PLEKHH2: variants seen among roughly 807,000 people sequenced by gnomAD.
PLEKHH2 encodes pleckstrin homology, MyTH4 and FERM domain containing H2.
PLEKHH2 carries 129 observed loss-of-function variants against 187.9 expected under a neutral mutation model. The ratio of observed to expected loss-of-function variants is 0.69; its 90% CI spans 0.59 to 0.79. The LOEUF (loss-of-function observed/expected upper bound fraction) is 0.79, where lower values mean the gene tolerates loss of function less well. Among genes scored for constraint, PLEKHH2 ranks in the 30% least tolerant of loss-of-function variants. The pLI, the probability that PLEKHH2 is intolerant of heterozygous loss-of-function variation, is 0.00. For synonymous variants in PLEKHH2, 686 were observed against 605.6 expected (o/e 1.13, Z -1.95); for missense variants, 2,076 against 1,751.2 (o/e 1.19, Z -3.31).
chr2:43,741,070 T>C (rs776678680), intron 21 of PLEKHH2, 27 bp downstream of exon 21: 46 of 1,567,552 alleles, frequency 2.9e-5, no homozygotes, highest in Non-Finnish European at 8.8e-7. Context: ...CCAGCTGAAC[T>C]GTTTATGTGG....
intron 3 of PLEKHH2, chr2:43,680,434 A>T (rs1668110824): frequency 6.4e-6 from 1 of 156,110 alleles, no homozygotes; most frequent in African/African-American, 2.4e-5. Flanking sequence ...ACAAAAGAAA[A>T]AAAAGGCTTA....
intron 2 of PLEKHH2, among the ~76,000 whole-genome samples, chr2:43,667,542 CAACT>C (rs1667275533): frequency 6.6e-6 from 1 of 152,160 alleles, no homozygotes; most frequent in Non-Finnish European, 1.5e-5. Context: ...AAAAGCTCAT[CAACT>C]AACTGATGAA....
intron 26 of PLEKHH2, 86 bp from the exon 27 acceptor site, chr2:43,758,814 C>T: frequency 8.2e-7 from 1 of 1,221,620 alleles, no homozygotes; most frequent in South Asian, 1.8e-5. Flanking sequence ...AGGATTGGCT[C>T]AAGGAGAGTT....
chr2:43,687,538 A>G (rs1224199507), intron 3 of PLEKHH2, among the ~76,000 whole-genome samples: 1 of 152,168 alleles, frequency 6.6e-6, no homozygotes, highest in East Asian at 1.9e-4. Flanking sequence ...GTCAAATGGT[A>G]CTTCTGTTTC....
intron 9 of PLEKHH2, 133 bp downstream of exon 9, chr2:43,704,189 G>T: frequency 1.7e-6 from 1 of 602,458 alleles, no homozygotes; most frequent in Non-Finnish European, 2.7e-6. Flanking sequence ...GGTGTTTAAA[G>T]GGTCAAATTC....
chr2:43,753,439 C>T (rs970686232), intron 24 of PLEKHH2, among the ~76,000 whole-genome samples, 180 bp from the exon 25 acceptor site: 8 of 152,110 alleles, frequency 5.3e-5, no homozygotes, highest in African/African-American at 1.9e-4. Context: ...GCAGTTTTTT[C>T]TTATTTTGCG....
At chr2:43,757,070 T>G (rs1489361452) in intron 25 of PLEKHH2, 49 bp from the exon 26 acceptor site, 2 of 1,400,132 alleles carry the variant, frequency 1.4e-6, no homozygotes, top group Admixed American at 2.6e-5. Flanking sequence ...TGATTTTCTG[T>G]CTTAAAACTC....
chr2:43,762,144 C>T (rs1572675132), intron 27 of PLEKHH2, among the ~76,000 whole-genome samples, 160 bp from the exon 28 acceptor site: 1 of 152,124 alleles, frequency 6.6e-6, no homozygotes, highest in African/African-American at 2.4e-5. Flanking sequence ...ACTCTTAGCT[C>T]CGGTATACCA....
rs1284481005 is a variant in PLEKHH2 at position 43,712,329 on chromosome 2, C to T, written c.2406C>T (p.Asn802=). 1 of 1,614,164 alleles carries T rather than the reference C, an allele frequency of 6.2e-7. No homozygotes were observed. Among genetic ancestry groups the T allele is most frequent in the Non-Finnish European group, 8.5e-7 (1 of 1,180,018 alleles). ...ATGTTCTTCGAGTACAAGCTGCCAA[C>T]CCACTTTCCCTGCAGCCTGAGGGCA... ...LQNVLRVQAA[N]PLSLQPEGKP... Residue 802 remains asparagine (N), a synonymous_variant, in exon 15 of 30, where the codon AAC becomes AAT. Transcript: ENST00000282406.
chr2:43,734,985 G>A (rs1671220668), intron 19 of PLEKHH2, among the ~76,000 whole-genome samples: 1 of 151,996 alleles, frequency 6.6e-6, no homozygotes, highest in Non-Finnish European at 1.5e-5. Flanking sequence ...AACATGGGGA[G>A]GCTGGTCTCT....
At chr2:43,682,394 C>T (rs763937625) in intron 3 of PLEKHH2, among the ~76,000 whole-genome samples, 113 of 152,240 alleles carry the variant, frequency 7.4e-4, no homozygotes, top group Non-Finnish European at 1.2e-3. Flanking sequence ...GCCACCTCCA[C>T]CTCCTGAGTT....
At chr2:43,705,660 C>T (rs758716228) in intron 9 of PLEKHH2, among the ~76,000 whole-genome samples, 9 of 152,124 alleles carry the variant, frequency 5.9e-5, no homozygotes, top group Non-Finnish European at 8.8e-5. Flanking sequence ...CTTGCTCTGT[C>T]GCCCAGGCTG....
chr2:43,681,089 C>T (rs1668152379), intron 3 of PLEKHH2: 1 of 1,091,106 alleles, frequency 9.2e-7, no homozygotes, highest in South Asian at 1.4e-5. Flanking sequence ...TATTTGAATG[C>T]CAACCAACTC....
chr2:43,730,982 T>G (rs1216394100), intron 18 of PLEKHH2, among the ~76,000 whole-genome samples: 2 of 152,178 alleles, frequency 1.3e-5, no homozygotes, highest in Non-Finnish European at 2.9e-5. Context: ...AACGTGATAG[T>G]GCCCTGGTAG....
In PLEKHH2 at chr2:43,757,304, A is replaced by C. The variant is rs377127048; in HGVS notation, c.3941+40A>C. The C allele has an allele frequency of 1.2e-5, 16 of 1,384,682 alleles. No individual in the cohort carries two copies. The African/African-American group carries it at 2.4e-4, about 21-fold the overall frequency. 85.8% of individuals were successfully genotyped at this position (1,384,682 alleles called of 1,614,324 possible). ...GTAACTCTTTATAGGGTAGGGTCAT[A>C]CTAGTTTTTTGGTAATATTTTTGTG... On this transcript the variant is annotated intron_variant, in intron 26 of 29. Transcript: ENST00000282406.
rs147635870 is a variant in PLEKHH2 at position 43,750,128 on chromosome 2, A to G, written c.3654-3491A>G. Among the ~76,000 whole-genome samples, 65 of 152,330 alleles carry G rather than the reference A, an allele frequency of 4.3e-4. No homozygotes were observed. In the Middle Eastern group the frequency reaches 0.01, roughly 24 times the overall value. On this transcript the variant is annotated intron_variant, in intron 24 of 29. Coordinates refer to ENST00000282406, the MANE Select transcript of PLEKHH2 (RefSeq NM_172069.4). ...AAGTTTAAGCCAAGAAATGGAGTTT[A>G]TCCCATTTCTCCTAGCTATGTTCAC... is the stretch of plus-strand genomic sequence containing the variant.
At chr2:43,753,534 C>A (rs919805354) in intron 24 of PLEKHH2, 85 bp from the exon 25 acceptor site, 205 of 1,125,028 alleles carry the variant, frequency 1.8e-4, no homozygotes, top group Admixed American at 7.7e-4. Context: ...TTAAAACAAC[C>A]CCATCTCAGT....
At chr2:43,720,597 G>A (rs1351234099) in intron 15 of PLEKHH2, 72 bp from the exon 16 acceptor site, 15 of 1,574,044 alleles carry the variant, frequency 9.5e-6, no homozygotes, top group Non-Finnish European at 1.2e-5. Context: ...AACTCAAATA[G>A]GGTGTATAAG....
At chr2:43,711,124 A>G (rs1345709656) in intron 14 of PLEKHH2, 1 of 985,640 alleles carries the variant, frequency 1.0e-6, no homozygotes, top group Non-Finnish European at 1.2e-6. Flanking sequence ...AAATCTGTTA[A>G]ATTTAAAACA....
Sources: allele counts gnomAD v4.1 joint callset (sites outside exome capture counted in the v4.1 genomes callset), GRCh38; gene constraint gnomAD v4.1.1; transcripts MANE v1.5; gene names NCBI Gene and HGNC (gene_info 2026-07-23, HGNC 2026-07-21).